PACS1: variants seen among roughly 807,000 people sequenced by gnomAD.
PACS1 encodes PACS-1.
In PACS1, 24 loss-of-function variants were observed where a neutral mutation model predicts 115.0. That is an observed-to-expected ratio of 0.21 (90% CI 0.15 to 0.29). The LOEUF (loss-of-function observed/expected upper bound fraction) is 0.29, where lower values mean the gene tolerates loss of function less well. Among genes scored for constraint, PACS1 ranks in the 10% least tolerant of loss-of-function variants. PACS1 has a pLI of 1.00. For synonymous variants in PACS1, 453 were observed against 504.5 expected, an observed-to-expected ratio of 0.90 and a Z score of 1.37; for missense variants, 838 against 1,251.2, an observed-to-expected ratio of 0.67 and a Z score of 4.98.
chr11:66,108,875 A>C (rs1359231661), intron 1 of PACS1, among the ~76,000 whole-genome samples: 1 of 152,108 alleles, frequency 6.6e-6, no homozygotes, highest in African/African-American at 2.4e-5. Flanking sequence ...GGGCTGAGGT[A>C]GGAGAATTGC....
At chr11:66,116,433 TAGA>T (rs1858307893) in intron 1 of PACS1, among the ~76,000 whole-genome samples, 1 of 152,236 alleles carries the variant, frequency 6.6e-6, no homozygotes, top group African/African-American at 2.4e-5. Context: ...TGTGAGAACC[TAGA>T]AGAACTGCCT....
At chr11:66,184,374 C>G (rs2134660188) in intron 1 of PACS1, among the ~76,000 whole-genome samples, 1 of 147,288 alleles carries the variant, frequency 6.8e-6, no homozygotes, top group South Asian at 2.2e-4. Flanking sequence ...CCATTTCTCT[C>G]TTAGTGAGCC....
intron 1 of PACS1, among the ~76,000 whole-genome samples, chr11:66,102,992 A>G (rs1367855840): frequency 6.6e-6 from 1 of 151,454 alleles, no homozygotes; most frequent in Non-Finnish European, 1.5e-5. Flanking sequence ...CACCACGCCC[A>G]GCTAATTTTT....
intron 1 of PACS1, among the ~76,000 whole-genome samples, chr11:66,155,005 CA>C (rs1859320173): frequency 6.6e-6 from 1 of 152,156 alleles, no homozygotes. Flanking sequence ...AATTGATTTG[CA>C]GCAAAGGTCC....
chr11:66,239,079 G>T, intron 20 of PACS1, 63 bp from the exon 21 acceptor site: 1 of 1,611,244 alleles, frequency 6.2e-7, no homozygotes, highest in South Asian at 1.1e-5. Context: ...CCGGCTCCTT[G>T]CCACCACCAA....
intron 11 of PACS1, among the ~76,000 whole-genome samples, chr11:66,230,214 G>T (rs186899105): frequency 1.3e-5 from 2 of 151,888 alleles, no homozygotes; most frequent in Admixed American, 1.3e-4. Context: ...GATAAGGTCC[G>T]GTCAGGGCAC....
intron 1 of PACS1, chr11:66,100,997 G>C (rs1185401113): frequency 2.4e-6 from 1 of 425,144 alleles, no homozygotes; most frequent in Non-Finnish European, 4.8e-6. Context: ...CATTCTGCTG[G>C]TTAGAAGGAA....
At chr11:66,200,389 G>A (rs374274145) in intron 2 of PACS1, among the ~76,000 whole-genome samples, 3 of 151,730 alleles carry the variant, frequency 2.0e-5, no homozygotes, top group Admixed American at 1.3e-4. Context: ...AACATCTATC[G>A]CCTACGAGAA....
intron 22 of PACS1, 87 bp from the exon 23 acceptor site, chr11:66,242,825 C>T (rs1422098880): frequency 6.3e-7 from 1 of 1,577,528 alleles, no homozygotes; most frequent in Non-Finnish European, 8.6e-7. Flanking sequence ...CCCCTCGCCA[C>T]AGGAAGAAGG....
rs182977545 is a variant in PACS1, at chr11:66,210,347, T to C, written c.445-15T>C. 6,695 of 1,610,064 alleles carry C rather than the reference T, an allele frequency of 4.2e-3. 31 individuals carry two copies. The highest frequency in any genetic ancestry group is 0.012 in the South Asian group (1,104 of 91,004). On this transcript the variant is annotated splice_polypyrimidine_tract_variant and intron_variant, in intron 2 of 23. Coordinates refer to ENST00000320580, the MANE Select transcript of PACS1 (RefSeq NM_018026.4). Reference sequence around the variant, plus strand: ...CACTGCACCTGGCCAAACAGACTTTTCTTCTTGGTTTCAGGGTTCAAAAAG... The same window carrying C: ...CACTGCACCTGGCCAAACAGACTTTCCTTCTTGGTTTCAGGGTTCAAAAAG...
At position 66,221,199 on chromosome 11, in the gene PACS1, T is replaced by G; in HGVS notation, c.1245T>G (p.Ile415Met). 1 of 1,614,192 alleles carries G rather than the reference T, an allele frequency of 6.2e-7. No homozygotes were observed. The highest frequency in any genetic ancestry group is 8.5e-7 in the Non-Finnish European group (1 of 1,180,038). Residue 415 changes from isoleucine (I) to methionine (M), a missense_variant, in exon 10 of 24, where the codon ATT becomes ATG. Physicochemically the swap from Ile to Met is conservative, Grantham distance 10 (BLOSUM62 1). Transcript: ENST00000320580. ...GMSQSSSQTE[I>M]GSLNSKGSLG... ...CGCAGTCCAGCTCCCAGACGGAGAT[T>G]GGCAGCCTCAACAGCAAAGGCAGCC...
chr11:66,095,786 TTATACA>T (rs1264844086), intron 1 of PACS1, among the ~76,000 whole-genome samples: 1 of 152,184 alleles, frequency 6.6e-6, no homozygotes, highest in African/African-American at 2.4e-5. Context: ...TTAATCAAAG[TTATACA>T]TATATTTTAG....
intron 1 of PACS1, among the ~76,000 whole-genome samples, chr11:66,189,097 A>G (rs909244037): frequency 6.6e-6 from 1 of 152,308 alleles, no homozygotes; most frequent in Middle Eastern, 3.4e-3. Flanking sequence ...AAAAGAGATA[A>G]TGAAATGCAT....
chr11:66,078,887 G>GT (rs1404750657), intron 1 of PACS1, among the ~76,000 whole-genome samples: 2 of 152,066 alleles, frequency 1.3e-5, no homozygotes, highest in Admixed American at 6.6e-5. Flanking sequence ...ATAGGAAGGC[G>GT]TTTTTTCTTT....
At chr11:66,237,979 A>T (rs760566016) in intron 19 of PACS1, 15 of 829,448 alleles carry the variant, frequency 1.8e-5, no homozygotes, top group Non-Finnish European at 2.2e-5. Context: ...AGCCCTCTGG[A>T]CTCCCAGCCC....
At chr11:66,183,918 A>G (rs1263135465) in intron 1 of PACS1, among the ~76,000 whole-genome samples, 1 of 152,180 alleles carries the variant, frequency 6.6e-6, no homozygotes, top group Non-Finnish European at 1.5e-5. Context: ...GGGTGTTGCC[A>G]TGGCAATGGT....
chr11:66,145,128 G>A (rs1260826060), intron 1 of PACS1, among the ~76,000 whole-genome samples: 1 of 152,182 alleles, frequency 6.6e-6, no homozygotes, highest in Non-Finnish European at 1.5e-5. Context: ...ATTGTTAAAA[G>A]CAACTGTTTC....
chr11:66,166,553 T>A (rs950188205), intron 1 of PACS1, among the ~76,000 whole-genome samples: 30 of 150,832 alleles, frequency 2.0e-4, no homozygotes, highest in Non-Finnish European at 4.1e-4. Context: ...TCTTCTTTTT[T>A]AAAGTTTTAC....
At chr11:66,149,294 G>A (rs866849587) in intron 1 of PACS1, among the ~76,000 whole-genome samples, 25 of 151,782 alleles carry the variant, frequency 1.6e-4, no homozygotes, top group South Asian at 2.1e-4. Context: ...TTTTCACCAC[G>A]TTGGTCAGGC....
Sources: allele counts gnomAD v4.1 joint callset (sites outside exome capture counted in the v4.1 genomes callset), GRCh38; gene constraint gnomAD v4.1.1; transcripts MANE v1.5; gene names NCBI Gene and HGNC (gene_info 2026-07-23, HGNC 2026-07-21).